The following N4BP2L2 variants were observed in gnomAD, a reference collection of about 807,000 sequenced individuals.
The protein encoded by N4BP2L2 is NEDD4-binding protein 2-like 2.
Under a neutral mutation model 56.2 loss-of-function variants are expected in N4BP2L2, and 50 were observed. The ratio of observed to expected loss-of-function variants is 0.89; its 90% CI spans 0.71 to 1.13. N4BP2L2 has a LOEUF of 1.13. Ranked by LOEUF, N4BP2L2 falls within the 50% of genes most tolerant of loss-of-function variation. The pLI, the probability that N4BP2L2 is intolerant of heterozygous loss-of-function variation, is 0.00. For missense variants in N4BP2L2, 689 were observed against 693.8 expected (o/e 0.99, Z 0.08); for synonymous variants, 203 against 223.6 (o/e 0.91, Z 0.82).
At chr13:32,535,995 T>C (rs767059832) in exon 2 of N4BP2L2, 1 of 1,613,944 alleles carries the variant, frequency 6.2e-7, no homozygotes, top group South Asian at 1.1e-5. Context: ...TGAACACTAC[T>C]CCTATTCTCA....
At chr13:32,532,578 CTT>C (rs2055152536) in intron 2 of N4BP2L2, among the ~76,000 whole-genome samples, 1 of 146,326 alleles carries the variant, frequency 6.8e-6, no homozygotes, top group Non-Finnish European at 1.5e-5. Flanking sequence ...TCTGGATTCT[CTT>C]TTCTTTTTTC....
rs34062461 is a variant in N4BP2L2 at position 32,536,214 on chromosome 13, A to G, written c.814T>C (p.Tyr272His). Residue 272 changes from tyrosine (Y) to histidine (H), a missense_variant, in exon 2 of 6, where the codon TAT becomes CAT. Tyr to His is a moderately conservative substitution (Grantham distance 83). Coordinates refer to ENST00000267068, the Ensembl canonical transcript of N4BP2L2. ...GGACCATAGGGCACTATAAAAGGAT[A>G]TACTGACTGCCATTCAGGCCTGAAA... 17,693 of 1,613,784 alleles carry G rather than the reference A, an allele frequency of 0.011. 1,620 individuals are homozygous for G. In the African/African-American group the frequency reaches 0.2, roughly 18 times the overall value.
Sources: gnomAD v4.1 joint callset for allele counts (sites outside exome capture counted in the v4.1 genomes callset) on GRCh38, gnomAD v4.1.1 for gene constraint, MANE v1.5 for transcripts, NCBI Gene and HGNC (gene_info 2026-07-23, HGNC 2026-07-21) for gene names.